The following CALD1 variants were observed in gnomAD, a reference collection of about 807,000 sequenced individuals.
CALD1 encodes caldesmon.
A neutral mutation model predicts 99.9 loss-of-function variants in CALD1; 33 were observed. The ratio of observed to expected loss-of-function variants is 0.33; its 90% confidence interval spans 0.25 to 0.44. The LOEUF is 0.44. Ranked by LOEUF, CALD1 falls within the 20% of genes least tolerant of loss-of-function variation. CALD1 has a pLI of 1.00. For synonymous variants in CALD1, 310 were observed against 325.0 expected, an observed-to-expected ratio of 0.95 and a Z score of 0.50; for missense variants, 861 against 962.1, an observed-to-expected ratio of 0.89 and a Z score of 1.39.
intron 3 of CALD1, among the ~76,000 whole-genome samples, chr7:134,904,026 C>T (rs1311645804): frequency 2.6e-5 from 4 of 151,436 alleles, no homozygotes; most frequent in Non-Finnish European, 4.4e-5. Context: ...AGTTTGAGAC[C>T]AGCCTGGTCA....
rs1478837879 is a variant in CALD1, at chr7:134,960,607, G to A, written c.2274G>A (p.Lys758=). The A allele has an allele frequency of 1.2e-6, 2 of 1,611,484 alleles. No individual in the cohort carries two copies. Among genetic ancestry groups the A allele is most frequent in the African/African-American group, 1.3e-5 (1 of 74,868 alleles). Residue 758 remains lysine (K), a synonymous_variant, in exon 13 of 15, where the codon AAG becomes AAA. Coordinates refer to ENST00000361675, the MANE Select transcript of CALD1 (RefSeq NM_033138.4). ...TAACTAAAACCCCAGATGGAAACAA[G>A]TCACCTGCTCCCAAACCTTCTGTAA... The part of the protein sequence containing the change: ...EWLTKTPDGN[K]SPAPKPSDLR...
At chr7:134,891,703 T>C in intron 3 of CALD1, 1 of 1,441,514 alleles carries the variant, frequency 6.9e-7, no homozygotes, top group Non-Finnish European at 9.4e-7. Context: ...CTTTGGTTTT[T>C]TCCTTTCTTT....
chr7:134,861,673 T>C (rs1186106602), intron 2 of CALD1, among the ~76,000 whole-genome samples: 4 of 152,212 alleles, frequency 2.6e-5, no homozygotes, highest in African/African-American at 4.8e-5. Context: ...ACCTGGCACA[T>C]AGTAGCTGTG....
intron 3 of CALD1, among the ~76,000 whole-genome samples, chr7:134,906,696 C>A (rs1803412065): frequency 6.6e-6 from 1 of 152,102 alleles, no homozygotes; most frequent in Non-Finnish European, 1.5e-5. Context: ...AAATGAGAAA[C>A]CTAGAACTTC....
At chr7:134,818,778 C>T (rs1016640196) in intron 1 of CALD1, among the ~76,000 whole-genome samples, 1 of 152,188 alleles carries the variant, frequency 6.6e-6, no homozygotes, top group African/African-American at 2.4e-5. Context: ...GCCAGAGCTT[C>T]TGTGGGCAGC....
At chr7:134,726,408 T>C in the CALD1 span, among the ~76,000 whole-genome samples, 1 of 105,732 alleles carries the variant, frequency 9.5e-6, no homozygotes, top group Non-Finnish European at 1.8e-5. Context: ...TTATATTATA[T>C]AGCTTTATAT....
chr7:134,956,997 T>TAA (rs149204696), intron 9 of CALD1, among the ~76,000 whole-genome samples: 2 of 149,074 alleles, frequency 1.3e-5, no homozygotes, highest in African/African-American at 4.9e-5. Flanking sequence ...TTCCTAGCTT[T>TAA]AAAAAAAAAA....
intron 9 of CALD1, among the ~76,000 whole-genome samples, chr7:134,957,089 G>T (rs1185906583): frequency 1.3e-5 from 2 of 151,828 alleles, no homozygotes; most frequent in African/African-American, 4.8e-5. Context: ...TTTCACACTT[G>T]GGCTAAGAGG....
intron 3 of CALD1, 124 bp from the exon 4 acceptor site, chr7:134,928,630 T>G (rs1563103720): frequency 1.2e-6 from 1 of 819,144 alleles, no homozygotes; most frequent in African/African-American, 1.7e-5. Flanking sequence ...AACCATCCTT[T>G]TAGACGTATG....
intron 2 of CALD1, among the ~76,000 whole-genome samples, chr7:134,861,267 C>G (rs1800552189): frequency 6.6e-6 from 1 of 152,144 alleles, no homozygotes; most frequent in African/African-American, 2.4e-5. Context: ...TTCCAGGTCA[C>G]TATTTGCCAA....
the CALD1 span, chr7:134,735,020 T>C: frequency 1.2e-5 from 3 of 252,442 alleles, no homozygotes; most frequent in South Asian, 1.9e-4. Flanking sequence ...GTGAACTCCA[T>C]CTCGTCCATG....
At chr7:134,911,788 T>C (rs1563089462) in intron 3 of CALD1, among the ~76,000 whole-genome samples, 1 of 152,246 alleles carries the variant, frequency 6.6e-6, no homozygotes, top group Admixed American at 6.5e-5. Flanking sequence ...AATCCCTGCT[T>C]TATGCAAGGC....
chr7:134,747,360 C>G (rs971975636), intron 1 of CALD1, among the ~76,000 whole-genome samples: 2 of 152,204 alleles, frequency 1.3e-5, no homozygotes, highest in African/African-American at 4.8e-5. Context: ...GGTGCTCATT[C>G]TGACAGTGTG....
chr7:134,875,461 C>A (rs974154691), intron 3 of CALD1, among the ~76,000 whole-genome samples: 1 of 152,198 alleles, frequency 6.6e-6, no homozygotes, highest in African/African-American at 2.4e-5. Context: ...CATGGTGAAA[C>A]CCCATCTCTA....
the CALD1 span, among the ~76,000 whole-genome samples, chr7:134,711,680 A>ATATATATATGTGTGTG: frequency 9.1e-5 from 10 of 109,576 alleles, no homozygotes; most frequent in African/African-American, 3.1e-4. Context: ...ATATATATAT[A>ATATATATATGTGTGTG]TGTGTGTGTG....
chr7:134,882,070 ATCAG>A (rs1191801738), intron 3 of CALD1, among the ~76,000 whole-genome samples: 3 of 152,222 alleles, frequency 2.0e-5, no homozygotes, highest in African/African-American at 7.2e-5. Context: ...GCAACCGTAG[ATCAG>A]AAACTACATC....
At position 134,933,676 on chromosome 7, in the gene CALD1, G is replaced by T. The variant is rs770573328; in HGVS notation, c.907G>T (p.Ala303Ser). 1 of 1,593,908 alleles carries T rather than the reference G, an allele frequency of 6.3e-7. No homozygotes were observed. The highest frequency in any genetic ancestry group is 1.1e-5 in the South Asian group (1 of 88,144). The change falls in exon 5 of 15, where the codon GCC (alanine) becomes TCC (serine). Residue 303 changes from alanine to serine, a missense_variant. Coordinates refer to ENST00000361675, the MANE Select transcript of CALD1 (RefSeq NM_033138.4). ...ARIEAEEKAA[A>S]QERERREAEE... ...AATTGAAGCAGAAGAAAAAGCAGCT[G>T]CCCAAGAAAGAGAAAGGAGAGAGGC...
At chr7:134,752,113 G>A (rs1796690343) in intron 1 of CALD1, among the ~76,000 whole-genome samples, 2 of 152,188 alleles carry the variant, frequency 1.3e-5, no homozygotes, top group Non-Finnish European at 2.9e-5. Context: ...AAGTTAATAT[G>A]GATCTTCAAG....
At chr7:134,936,145 C>G (rs534985832) in intron 6 of CALD1, among the ~76,000 whole-genome samples, 1 of 152,290 alleles carries the variant, frequency 6.6e-6, no homozygotes, top group Admixed American at 6.5e-5. Context: ...ATTCTACTTT[C>G]ATTTCAATCA....
Sources: gnomAD v4.1 joint callset for allele counts (sites outside exome capture counted in the v4.1 genomes callset) on GRCh38, gnomAD v4.1.1 for gene constraint, MANE v1.5 for transcripts, NCBI Gene and HGNC (gene_info 2026-07-23, HGNC 2026-07-21) for gene names.